The following IMPG1 variants were observed in gnomAD, a reference collection of about 807,000 sequenced individuals.
The protein encoded by IMPG1 is interphotoreceptor matrix proteoglycan of 150 kDa.
A neutral mutation model predicts 92.0 loss-of-function variants in IMPG1; 85 were observed. The observed-to-expected ratio is 0.92, with a 90% confidence interval of 0.78 to 1.11. IMPG1 has a LOEUF of 1.11. Ranked by LOEUF, IMPG1 falls within the 50% of genes least tolerant of loss-of-function variation. The pLI is 0.00. For missense variants in IMPG1, 1,022 were observed against 956.0 expected (o/e 1.07, Z -0.91); for synonymous variants, 367 against 334.1 (o/e 1.10, Z -1.08).
chr6:75,924,691 TA>T (rs1562335193), intron 15 of IMPG1, among the ~76,000 whole-genome samples: 3 of 156 alleles, frequency 0.019, 1 homozygote, highest in Non-Finnish European at 0.06. Flanking sequence ...ATATTATATA[TA>T]AATAATTATA....
intron 12 of IMPG1, among the ~76,000 whole-genome samples, chr6:75,991,872 A>G (rs955960052): frequency 2.6e-5 from 4 of 152,204 alleles, no homozygotes; most frequent in African/African-American, 9.6e-5. Flanking sequence ...GACATAACGT[A>G]TAAGGCACCT....
chr6:75,974,343 C>CTTTCTT (rs1336675659), intron 12 of IMPG1, among the ~76,000 whole-genome samples: 1 of 86,166 alleles, frequency 1.2e-5, no homozygotes, highest in Non-Finnish European at 2.2e-5. Context: ...TTCTTTCTTT[C>CTTTCTT]TTTCTTTCTT....
chr6:75,980,652 A>G (rs1404151178), intron 12 of IMPG1, among the ~76,000 whole-genome samples: 2 of 152,132 alleles, frequency 1.3e-5, no homozygotes, highest in Non-Finnish European at 2.9e-5. Context: ...CAAGTTCTTC[A>G]GCTTTTGGAC....
At chr6:76,002,803 G>A in intron 12 of IMPG1, 115 bp downstream of exon 12, 1 of 770,124 alleles carries the variant, frequency 1.3e-6, no homozygotes, top group South Asian at 1.5e-5. Context: ...TGGTGGCAGT[G>A]AACCTTTTCC....
At chr6:75,938,114 T>C (rs1781778397) in intron 14 of IMPG1, among the ~76,000 whole-genome samples, 1 of 152,216 alleles carries the variant, frequency 6.6e-6, no homozygotes, top group African/African-American at 2.4e-5. Flanking sequence ...GATTCATTTA[T>C]CCAGGGGTTT....
chr6:76,047,619 T>G (rs1170729749), intron 1 of IMPG1, among the ~76,000 whole-genome samples: 3 of 152,204 alleles, frequency 2.0e-5, no homozygotes, highest in Non-Finnish European at 4.4e-5. Flanking sequence ...CCCTCTCCAG[T>G]TCACCTTGGT....
intron 2 of IMPG1, among the ~76,000 whole-genome samples, chr6:76,035,777 A>G (rs1233550805): frequency 6.6e-6 from 1 of 152,098 alleles, no homozygotes; most frequent in African/African-American, 2.4e-5. Flanking sequence ...ATCCATCCCT[A>G]TTCTTATTGT....
At chr6:75,993,775 T>A (rs982670562) in intron 12 of IMPG1, among the ~76,000 whole-genome samples, 1 of 152,240 alleles carries the variant, frequency 6.6e-6, no homozygotes, top group Admixed American at 6.5e-5. Flanking sequence ...ATAGTCACAG[T>A]GGCTTAATTT....
At chr6:76,061,727 T>A (rs577040437) in intron 1 of IMPG1, among the ~76,000 whole-genome samples, 5 of 152,302 alleles carry the variant, frequency 3.3e-5, no homozygotes, top group African/African-American at 1.2e-4. Context: ...CTCTTATACA[T>A]TGAATGTCAC....
intron 8 of IMPG1, among the ~76,000 whole-genome samples, 198 bp downstream of exon 8, chr6:76,010,968 T>C (rs1424115678): frequency 6.6e-6 from 1 of 152,230 alleles, no homozygotes; most frequent in Non-Finnish European, 1.5e-5. Context: ...ATACAGCTCC[T>C]GTGTTACCCC....
chr6:76,052,589 CA>C (rs1054349108), intron 1 of IMPG1, among the ~76,000 whole-genome samples: 35 of 151,982 alleles, frequency 2.3e-4, no homozygotes, highest in Admixed American at 9.2e-4. Flanking sequence ...AGTACTGTGC[CA>C]GGGGTTGTGA....
At chr6:75,966,520 G>T (rs905625672) in intron 12 of IMPG1, among the ~76,000 whole-genome samples, 2 of 152,018 alleles carry the variant, frequency 1.3e-5, no homozygotes, top group Admixed American at 6.6e-5. Flanking sequence ...CAGCCCAAAG[G>T]CCCTCACCAG....
chr6:76,042,582 C>A (rs1365385825), intron 1 of IMPG1, among the ~76,000 whole-genome samples: 1 of 152,142 alleles, frequency 6.6e-6, no homozygotes, highest in Non-Finnish European at 1.5e-5. Context: ...ACCTTCCTGC[C>A]TATTAGTGGT....
At chr6:76,059,723 A>C (rs1405635202) in intron 1 of IMPG1, among the ~76,000 whole-genome samples, 1 of 152,200 alleles carries the variant, frequency 6.6e-6, no homozygotes, top group Non-Finnish European at 1.5e-5. Context: ...CAGAAATATT[A>C]CTTGGCACTC....
In IMPG1 at chr6:75,939,732, A is replaced by T. The variant is rs532830370; in HGVS notation, c.2044+7582T>A. Among the ~76,000 whole-genome samples, 7 of 152,260 alleles carry T rather than the reference A, an allele frequency of 4.6e-5. No individual in the cohort carries two copies. In the South Asian group the frequency reaches 1.5e-3, roughly 32 times the overall value. Reference sequence around the variant, plus strand: ...GCCACCTTTACAACTCTGGAATGTTATGCTCCAGGTCCTGGGCGCCATCCC... The same window carrying T: ...GCCACCTTTACAACTCTGGAATGTTTTGCTCCAGGTCCTGGGCGCCATCCC... On this transcript the variant is annotated intron_variant, in intron 14 of 16. Coordinates refer to ENST00000369950, the MANE Select transcript of IMPG1 (RefSeq NM_001563.4).
intron 12 of IMPG1, among the ~76,000 whole-genome samples, chr6:75,961,401 C>T (rs1350401513): frequency 6.6e-6 from 1 of 151,972 alleles, no homozygotes; most frequent in African/African-American, 2.4e-5. Context: ...GTTAATTATC[C>T]ACTCATTCAA....
chr6:76,064,360 A>AT (rs766569533), intron 1 of IMPG1, among the ~76,000 whole-genome samples: 9,935 of 104,570 alleles, frequency 0.095, 433 homozygotes, highest in Admixed American at 0.16. Flanking sequence ...TGGGGCAACC[A>AT]TTTTTTTTTC....
At chr6:75,974,375 CTTTCTTTCTTTCTTTCTT>C (rs1562354618) in intron 12 of IMPG1, among the ~76,000 whole-genome samples, 55 of 83,442 alleles carry the variant, frequency 6.6e-4, no homozygotes, top group South Asian at 3.5e-3. Context: ...TTCTTTCTTT[CTTTCTTTCTTTCTTTCTT>C]TTCTTTCTTT....
chr6:76,055,213 A>T (rs1369861162), intron 1 of IMPG1, among the ~76,000 whole-genome samples: 2 of 152,134 alleles, frequency 1.3e-5, no homozygotes, highest in African/African-American at 4.8e-5. Context: ...TAACATATGC[A>T]TCATGTTCTC....
Sources: gnomAD v4.1 joint callset for allele counts (sites outside exome capture counted in the v4.1 genomes callset) on GRCh38, gnomAD v4.1.1 for gene constraint, MANE v1.5 for transcripts, NCBI Gene and HGNC (gene_info 2026-07-23, HGNC 2026-07-21) for gene names.